The following LRMDA variants were observed in gnomAD, a reference collection of about 807,000 sequenced individuals.
LRMDA encodes leucine-rich melanocyte differentiation-associated protein.
A neutral mutation model predicts 29.8 loss-of-function variants in LRMDA; 18 were observed. That is an observed-to-expected ratio of 0.60 (90% CI 0.42 to 0.90). The LOEUF (loss-of-function observed/expected upper bound fraction) is 0.90, where lower values mean the gene tolerates loss of function less well. Ranked by LOEUF, LRMDA falls within the 40% of genes least tolerant of loss-of-function variation. The pLI is 0.00. For missense variants in LRMDA, 273 were observed against 273.9 expected (o/e 1.00, Z 0.02); for synonymous variants, 125 against 109.4 (o/e 1.14, Z -0.89).
At chr10:75,652,841 A>G (rs1841617176) in intron 2 of LRMDA, among the ~76,000 whole-genome samples, 1 of 152,172 alleles carries the variant, frequency 6.6e-6, no homozygotes. Context: ...CATAATTCAT[A>G]TGTTGATATA....
chr10:76,035,923 G>A, intron 2 of LRMDA, 85 bp from the exon 3 acceptor site: 1 of 1,513,228 alleles, frequency 6.6e-7, no homozygotes. Flanking sequence ...GTCCTGAAAG[G>A]GAAGGTTAAA....
In LRMDA at chr10:75,841,324, G is replaced by A. The variant is rs117462278; in HGVS notation, c.132-194684G>A. On this transcript the variant is annotated intron_variant, in intron 2 of 6. Coordinates refer to ENST00000611255, the MANE Select transcript of LRMDA (RefSeq NM_001305581.2). Reference sequence around the variant, plus strand: ...TGTGGATCTCCTATGGTTTATTATCGAACTTAAATATACCTGCAGTTAGGA... The same window carrying A: ...TGTGGATCTCCTATGGTTTATTATCAAACTTAAATATACCTGCAGTTAGGA... 2.1e-3 allele frequency among the ~76,000 whole-genome samples: 315 copies of A among 152,116 alleles called. 4 individuals carry two copies. The East Asian group carries it at 0.032, about 16-fold the overall frequency.
chr10:75,735,217 G>T (rs1423998494), intron 2 of LRMDA, among the ~76,000 whole-genome samples: 1 of 152,148 alleles, frequency 6.6e-6, no homozygotes, highest in Non-Finnish European at 1.5e-5. Context: ...TGGAAAAAAC[G>T]TGGTATATTA....
rs76068187 is a variant in LRMDA at position 76,531,809 on chromosome 10, T to G, written c.602-25400T>G. Among the ~76,000 whole-genome samples, 672 of 152,326 alleles carry G rather than the reference T, an allele frequency of 4.4e-3. 1 individual carries two copies. Among genetic ancestry groups the G allele is most frequent in the African/African-American group, 0.015 (629 of 41,570 alleles). On this transcript the variant is annotated intron_variant, in intron 6 of 6. Coordinates refer to ENST00000611255, the MANE Select transcript of LRMDA (RefSeq NM_001305581.2). ...AGTGTAATGCTGGTTTCATGGCAAG[T>G]ATTCCTACCCCTTCAATTTTCTGGA...
intron 5 of LRMDA, among the ~76,000 whole-genome samples, chr10:76,250,163 G>A (rs1300651707): frequency 6.6e-6 from 1 of 152,192 alleles, no homozygotes; most frequent in Non-Finnish European, 1.5e-5. Context: ...TCTCATTGCT[G>A]AGTTATCATT....
intron 2 of LRMDA, among the ~76,000 whole-genome samples, chr10:75,592,419 A>G (rs1840734486): frequency 6.6e-6 from 1 of 152,244 alleles, no homozygotes. Context: ...AAGTCTTCAC[A>G]GTCTCATTTC....
intron 2 of LRMDA, among the ~76,000 whole-genome samples, chr10:75,895,754 A>G (rs1845570236): frequency 6.6e-6 from 1 of 152,232 alleles, no homozygotes; most frequent in Non-Finnish European, 1.5e-5. Context: ...AGGAAGGCAG[A>G]AGGCCTTTCT....
At chr10:75,456,359 G>C (rs946363013) in intron 2 of LRMDA, among the ~76,000 whole-genome samples, 10 of 152,258 alleles carry the variant, frequency 6.6e-5, no homozygotes, top group African/African-American at 2.4e-4. Flanking sequence ...TCGTTCAGAA[G>C]GGGAGGAACC....
intron 2 of LRMDA, among the ~76,000 whole-genome samples, chr10:76,011,929 T>C (rs1207958653): frequency 6.6e-6 from 1 of 152,114 alleles, no homozygotes; most frequent in Non-Finnish European, 1.5e-5. Flanking sequence ...CCATGCTGGA[T>C]AGTGTCCTTC....
intron 5 of LRMDA, among the ~76,000 whole-genome samples, chr10:76,251,527 C>G (rs768225680): frequency 3.3e-5 from 5 of 151,702 alleles, no homozygotes; most frequent in Non-Finnish European, 5.9e-5. Context: ...GCTGGGATTA[C>G]AGGCGTGAGC....
chr10:76,389,512 A>T (rs1841698428), intron 6 of LRMDA, among the ~76,000 whole-genome samples: 2 of 152,214 alleles, frequency 1.3e-5, no homozygotes, highest in Non-Finnish European at 2.9e-5. Context: ...ATCATTTTTA[A>T]GTGTACAGTT....
chr10:76,251,229 T>C (rs1458414333), intron 5 of LRMDA, among the ~76,000 whole-genome samples: 2 of 17,180 alleles, frequency 1.2e-4, no homozygotes, highest in Non-Finnish European at 2.1e-4. Flanking sequence ...GTCGCTTCTT[T>C]TTTTTTTTTT....
chr10:75,837,229 G>A (rs921800739), intron 2 of LRMDA, among the ~76,000 whole-genome samples: 1 of 152,078 alleles, frequency 6.6e-6, no homozygotes, highest in African/African-American at 2.4e-5. Context: ...ATTCATGAGC[G>A]ATAGTATTAG....
chr10:75,536,903 A>G (rs1274261057), intron 2 of LRMDA, among the ~76,000 whole-genome samples: 2 of 151,938 alleles, frequency 1.3e-5, no homozygotes, highest in African/African-American at 2.4e-5. Flanking sequence ...CTTGACATTT[A>G]ACTCTGAGAA....
intron 6 of LRMDA, among the ~76,000 whole-genome samples, chr10:76,555,865 A>G (rs1196454608): frequency 6.6e-6 from 1 of 151,070 alleles, no homozygotes; most frequent in African/African-American, 2.4e-5. Context: ...TTTCACAGGC[A>G]GATTTGTGGC....
intron 6 of LRMDA, among the ~76,000 whole-genome samples, chr10:76,333,231 T>C (rs150092550): frequency 6.5e-4 from 99 of 152,314 alleles, no homozygotes; most frequent in African/African-American, 2.2e-3. Flanking sequence ...TAGGTCCACA[T>C]TATGGCAGGC....
rs558809801 is a variant in LRMDA, at chr10:75,913,301, A to G, written c.132-122707A>G. On this transcript the variant is annotated intron_variant, in intron 2 of 6. Transcript: ENST00000611255. ...GTGAAACCCCGTCTCTACTAAAAAG[A>G]CAAAAATTAGTCATGCATGGTGGCG... Among the ~76,000 whole-genome samples, 101 of 152,270 alleles carry G rather than the reference A, an allele frequency of 6.6e-4. 1 individual carries two copies. The highest frequency in any genetic ancestry group is 2.2e-3 in the African/African-American group (93 of 41,562).
At chr10:75,855,825 G>A (rs573121977) in intron 2 of LRMDA, among the ~76,000 whole-genome samples, 22 of 152,068 alleles carry the variant, frequency 1.4e-4, no homozygotes, top group Admixed American at 2.6e-4. Flanking sequence ...ATATGGAATC[G>A]TTTCCCCATT....
intron 6 of LRMDA, among the ~76,000 whole-genome samples, chr10:76,363,172 AGAAAG>A (rs1464666798): frequency 3.8e-3 from 65 of 17,328 alleles, no homozygotes; most frequent in African/African-American, 8.7e-3. Context: ...AAAGAAAGAA[AGAAAG>A]GAGGGAGGGA....
Sources: allele counts gnomAD v4.1 joint callset (sites outside exome capture counted in the v4.1 genomes callset), GRCh38; gene constraint gnomAD v4.1.1; transcripts MANE v1.5; gene names NCBI Gene and HGNC (gene_info 2026-07-23, HGNC 2026-07-21).